Variants in COMMD10 observed in about 807,000 individuals in gnomAD.
COMMD10 encodes the protein COMM domain-containing protein 10.
In COMMD10, 33 loss-of-function variants were observed where a neutral mutation model predicts 28.9. The observed-to-expected ratio is 1.14, with a 90% CI of 0.87 to 1.53. The LOEUF is 1.53. COMMD10 is among the 40% of genes most tolerant of loss of function. COMMD10 has a pLI of 0.00. For synonymous variants in COMMD10, 110 were observed against 81.7 expected, an observed-to-expected ratio of 1.35 and a Z score of -1.87; for missense variants, 310 against 233.4, an observed-to-expected ratio of 1.33 and a Z score of -2.14.
In COMMD10 at chr5:116,292,552, C is replaced by T. The variant is rs1264463407; in HGVS notation, c.*63C>T. ...ACCTCATTATTTTGCATTGAAGATA[C>T]ATTGCCAGGTTGTGTTTTCTGAAGG... On this transcript the variant is annotated 3_prime_UTR_variant, in exon 7 of 7. Transcript: ENST00000274458. 2 of 1,389,372 alleles carry T rather than the reference C, an allele frequency of 1.4e-6. No individual in the cohort carries two copies. Among genetic ancestry groups the T allele is most frequent in the Middle Eastern group, 1.8e-4 (1 of 5,442 alleles). The allele number at this position is 1,389,372 out of a possible 1,614,324, so 86.1% of individuals were successfully genotyped here. A position where few individuals can be genotyped will look rare whatever the true frequency, so the allele number is the denominator to read the frequency against.
rs527490394 is a variant in COMMD10 at position 116,096,628 on chromosome 5, A to G, written c.399+3928A>G. Among the ~76,000 whole-genome samples, 3 of 151,758 alleles carry G rather than the reference A, an allele frequency of 2.0e-5. No homozygotes were observed. The South Asian group carries it at 6.2e-4, about 31-fold the overall frequency. ...AAGGACTTCCAACGTGATGCTGAAT[A>G]GGAGTGGTAAGTCTGAATATCCTTG... On this transcript the variant is annotated intron_variant, in intron 4 of 6. Transcript: ENST00000274458.
chr5:116,134,195 C>G lies in COMMD10; in HGVS notation c.510+17C>G, dbSNP rs377470554. The stretch of plus-strand genomic sequence containing the variant: ...GATTCAAAGGTAAGAAATGGTATCC[C>G]ATTAAAAGGATGTATTTTGTTTGTT... On this transcript the variant is annotated intron_variant, in intron 5 of 6. Transcript: ENST00000274458. The G allele has an allele frequency of 1.5e-6, 2 of 1,378,120 alleles. No homozygotes were observed. The highest frequency in any genetic ancestry group is 2.1e-6 in the Non-Finnish European group (2 of 964,500). The allele number at this position is 1,378,120 out of a possible 1,614,324, so 85.4% of individuals were successfully genotyped here.
chr5:116,182,133 AAGAGAAACAACT>A (rs1014110859), intron 5 of COMMD10, among the ~76,000 whole-genome samples: 3 of 152,132 alleles, frequency 2.0e-5, no homozygotes, highest in African/African-American at 7.2e-5. Context: ...AGACCCACAG[AAGAGAAACAACT>A]AGGTCTGTTA....
intron 5 of COMMD10, among the ~76,000 whole-genome samples, chr5:116,240,440 T>A (rs930879186): frequency 2.0e-5 from 3 of 152,176 alleles, no homozygotes; most frequent in African/African-American, 7.2e-5. Context: ...TGAGAAAACT[T>A]CATAAGCACA....
At chr5:116,100,952 A>T (rs1433687298) in intron 4 of COMMD10, among the ~76,000 whole-genome samples, 1 of 152,152 alleles carries the variant, frequency 6.6e-6, no homozygotes, top group African/African-American at 2.4e-5. Context: ...ATCCATGTGT[A>T]CACATTATTT....
intron 5 of COMMD10, among the ~76,000 whole-genome samples, chr5:116,175,388 C>T (rs963670117): frequency 6.6e-6 from 1 of 151,944 alleles, no homozygotes; most frequent in African/African-American, 2.4e-5. Context: ...TAAATGGCAG[C>T]ATGAAAAGAA....
At chr5:116,177,082 AAAGGTAGTC>A (rs2112590303) in intron 5 of COMMD10, among the ~76,000 whole-genome samples, 1 of 152,198 alleles carries the variant, frequency 6.6e-6, no homozygotes, top group South Asian at 2.1e-4. Flanking sequence ...ATGGGCTTGC[AAAGGTAGTC>A]ACAGTGCCAC....
chr5:116,165,377 A>C (rs1359454554), intron 5 of COMMD10, among the ~76,000 whole-genome samples: 1 of 152,200 alleles, frequency 6.6e-6, no homozygotes. Flanking sequence ...ATTAATAGCC[A>C]CTCACATACA....
At chr5:116,211,460 A>G (rs1426068683) in intron 5 of COMMD10, among the ~76,000 whole-genome samples, 3 of 152,162 alleles carry the variant, frequency 2.0e-5, no homozygotes, top group Non-Finnish European at 2.9e-5. Context: ...GCACTACCAC[A>G]TTATGATGGC....
chr5:116,124,064 C>G (rs544985653), intron 4 of COMMD10, among the ~76,000 whole-genome samples: 1 of 151,910 alleles, frequency 6.6e-6, no homozygotes, highest in East Asian at 1.9e-4. Context: ...CTGTCTCTGT[C>G]TCCTTCAGTT....
intron 5 of COMMD10, among the ~76,000 whole-genome samples, chr5:116,248,145 AAT>A (rs1491062626): frequency 2.6e-5 from 4 of 151,828 alleles, no homozygotes; most frequent in African/African-American, 7.2e-5. Flanking sequence ...AAAAAAAAAA[AAT>A]AACTGAGCAT....
At chr5:116,128,275 T>TA (rs1411292706) in intron 4 of COMMD10, among the ~76,000 whole-genome samples, 1 of 151,978 alleles carries the variant, frequency 6.6e-6, no homozygotes, top group Non-Finnish European at 1.5e-5. Context: ...CATTCTCAGG[T>TA]AAAAGGTAAT....
chr5:116,207,337 C>T (rs1281176859), intron 5 of COMMD10, among the ~76,000 whole-genome samples: 1 of 152,152 alleles, frequency 6.6e-6, no homozygotes, highest in Non-Finnish European at 1.5e-5. Flanking sequence ...TTGTGAACCA[C>T]TGAAATGAAT....
At chr5:116,248,507 C>T (rs1392101032) in intron 5 of COMMD10, among the ~76,000 whole-genome samples, 7 of 151,840 alleles carry the variant, frequency 4.6e-5, no homozygotes, top group African/African-American at 1.5e-4. Flanking sequence ...GCCAGGTGTG[C>T]GAGACCCTAG....
At chr5:116,284,792 C>T (rs1006927139) in intron 5 of COMMD10, among the ~76,000 whole-genome samples, 8 of 151,880 alleles carry the variant, frequency 5.3e-5, no homozygotes, top group African/African-American at 1.7e-4. Context: ...TGAGTTGACT[C>T]ATAGGCCAGA....
intron 4 of COMMD10, among the ~76,000 whole-genome samples, chr5:116,103,375 A>G (rs1750728885): frequency 6.6e-6 from 1 of 152,114 alleles, no homozygotes; most frequent in Admixed American, 6.5e-5. Flanking sequence ...CTGGCATGAG[A>G]TGGTATCTCA....
intron 5 of COMMD10, among the ~76,000 whole-genome samples, chr5:116,277,563 A>G (rs937282919): frequency 6.6e-6 from 1 of 151,914 alleles, no homozygotes; most frequent in African/African-American, 2.4e-5. Flanking sequence ...CATGTTTCCT[A>G]TTATTATGCT....
intron 5 of COMMD10, among the ~76,000 whole-genome samples, chr5:116,273,258 T>C (rs1750805577): frequency 6.6e-6 from 1 of 151,870 alleles, no homozygotes; most frequent in African/African-American, 2.4e-5. Flanking sequence ...TTTCATAATA[T>C]GCATTTTTCA....
intron 5 of COMMD10, among the ~76,000 whole-genome samples, chr5:116,209,676 A>T (rs557718978): frequency 3.9e-4 from 59 of 152,278 alleles, no homozygotes; most frequent in African/African-American, 1.4e-3. Context: ...GTAGCAAGGA[A>T]TGAGTGTTAT....
Sources: allele counts gnomAD v4.1 joint callset (sites outside exome capture counted in the v4.1 genomes callset), GRCh38; gene constraint gnomAD v4.1.1; transcripts MANE v1.5; gene names NCBI Gene and HGNC (gene_info 2026-07-23, HGNC 2026-07-21).